Variants in PSPH observed in about 807,000 individuals in gnomAD.
The protein encoded by PSPH is L-3-phosphoserine phosphatase.
PSPH carries 16 observed loss-of-function variants against 23.4 expected under a neutral mutation model. That is an observed-to-expected ratio of 0.68 (90% confidence interval 0.46 to 1.04). The LOEUF (loss-of-function observed/expected upper bound fraction) is 1.04, where lower values mean the gene tolerates loss of function less well. Among genes scored for constraint, PSPH ranks in the 50% least tolerant of loss-of-function variants. The probability of loss-of-function intolerance (pLI) is 0.00; values close to 1 mark genes in which losing one functional copy is unlikely to be tolerated. For missense variants in PSPH, 223 were observed against 273.7 expected, an observed-to-expected ratio of 0.81 and a Z score of 1.31; for synonymous variants, 68 against 99.7, an observed-to-expected ratio of 0.68 and a Z score of 1.89.
intron 5 of PSPH, among the ~76,000 whole-genome samples, chr7:56,017,735 T>TTTTGAGATG (rs1788764603): frequency 6.7e-6 from 1 of 148,234 alleles, no homozygotes; most frequent in East Asian, 2.0e-4. Context: ...TTTTTTTTTT[T>TTTTGAGATG]GAGATGGAGT....
At chr7:56,047,339 T>A (rs1793382510) in intron 1 of PSPH, among the ~76,000 whole-genome samples, 2 of 150,984 alleles carry the variant, frequency 1.3e-5, no homozygotes, top group South Asian at 4.2e-4. Context: ...GTAAGCTGTG[T>A]GATTGAGCTA....
chr7:56,017,286 G>C lies in PSPH; in HGVS notation c.369C>G (p.Leu123=), dbSNP rs773338634. 6.2e-7 allele frequency: 1 copy of C among 1,613,870 alleles called. No individual in the cohort carries two copies. The highest frequency in any genetic ancestry group is 1.7e-5 in the Admixed American group (1 of 59,988). The change falls in exon 6 of 8, where the codon CTC becomes CTG. Residue 123 remains leucine, a synonymous_variant. Coordinates refer to ENST00000275605, the MANE Select transcript of PSPH (RefSeq NM_004577.4). The stretch of plus-strand genomic sequence containing the variant: ...CAAATACATTGGTTGCTGGGATATT[G>C]AGCTTTGAAGCAACATGCTCTACAA... ...RSIVEHVASK[L]NIPATNVFAN... is the part of the protein sequence containing the mutation.
chr7:56,029,792 G>T (rs1790691319), intron 3 of PSPH, among the ~76,000 whole-genome samples: 1 of 152,124 alleles, frequency 6.6e-6, no homozygotes, highest in Non-Finnish European at 1.5e-5. Flanking sequence ...CGAGAACCAA[G>T]CTTATTTGCT....
At chr7:56,026,927 C>T (rs1398557898) in intron 3 of PSPH, among the ~76,000 whole-genome samples, 2 of 151,886 alleles carry the variant, frequency 1.3e-5, no homozygotes, top group Non-Finnish European at 2.9e-5. Context: ...ATGAGAAGGC[C>T]CGGCACGGTG....
At chr7:56,013,118 T>A (rs1220960498) in intron 7 of PSPH, among the ~76,000 whole-genome samples, 1 of 148,796 alleles carries the variant, frequency 6.7e-6, no homozygotes, top group Non-Finnish European at 1.5e-5. Context: ...TATATATTTA[T>A]ATACACACAC....
chr7:56,040,110 T>A lies in PSPH; in HGVS notation c.-291-6004A>T, dbSNP rs922361514. Among the ~76,000 whole-genome samples the A allele has an allele frequency of 1.1e-4, 16 of 146,140 alleles. No individual in the cohort carries two copies. In the East Asian group the frequency reaches 2.0e-3, roughly 18 times the overall value. On this transcript the variant is annotated intron_variant, in intron 1 of 7. Transcript: ENST00000275605. ...CAAGACTCCATCAAAAAAAAAAAAA[T>A]ACCAATACATTAAAATAATATAAAT...
intron 6 of PSPH, among the ~76,000 whole-genome samples, chr7:56,016,727 T>A (rs370269937): frequency 3.3e-5 from 5 of 151,984 alleles, no homozygotes; most frequent in African/African-American, 1.2e-4. Context: ...TGTGCCACCA[T>A]GCCCAGCTAA....
At chr7:56,032,437 G>A (rs1201747729) in intron 2 of PSPH, among the ~76,000 whole-genome samples, 1 of 151,882 alleles carries the variant, frequency 6.6e-6, no homozygotes, top group Non-Finnish European at 1.5e-5. Context: ...AAGGCGGGCG[G>A]ATCACGAGGT....
intron 7 of PSPH, among the ~76,000 whole-genome samples, chr7:56,013,203 C>T (rs1788171295): frequency 8.2e-6 from 1 of 121,836 alleles, no homozygotes; most frequent in Non-Finnish European, 1.9e-5. Context: ...ATATATATAG[C>T]ATTGATTTTA....
At chr7:56,013,136 T>C (rs941017376) in intron 7 of PSPH, among the ~76,000 whole-genome samples, 6 of 139,844 alleles carry the variant, frequency 4.3e-5, no homozygotes, top group Admixed American at 3.0e-4. Flanking sequence ...CACATATATA[T>C]ACGTATATGT....
intron 1 of PSPH, among the ~76,000 whole-genome samples, chr7:56,044,822 TGG>T (rs1793010236): frequency 6.6e-6 from 1 of 151,940 alleles, no homozygotes; most frequent in Admixed American, 6.6e-5. Context: ...CCAGGTGTGG[TGG>T]CTCATGCTTG....
At chr7:56,013,096 T>TACACACATATACACACATACACAC (rs1562779980) in intron 7 of PSPH, among the ~76,000 whole-genome samples, 1 of 144,524 alleles carries the variant, frequency 6.9e-6, no homozygotes, top group African/African-American at 2.5e-5. Context: ...CACATATATA[T>TACACACATATACACACATACACAC]ACATATGTGT....
At chr7:56,029,502 A>G (rs1487047049) in intron 3 of PSPH, among the ~76,000 whole-genome samples, 1 of 151,496 alleles carries the variant, frequency 6.6e-6, no homozygotes, top group Non-Finnish European at 1.5e-5. Context: ...TAAAAAAAAA[A>G]AAAAAAAAAA....
At chr7:56,034,678 G>A (rs1427418086) in intron 1 of PSPH, among the ~76,000 whole-genome samples, 1 of 152,024 alleles carries the variant, frequency 6.6e-6, no homozygotes, top group Non-Finnish European at 1.5e-5. Context: ...ACCACGCCCG[G>A]CTAATTTTTT....
intron 3 of PSPH, among the ~76,000 whole-genome samples, chr7:56,026,348 CA>C (rs1562802600): frequency 1.3e-5 from 2 of 148,498 alleles, no homozygotes; most frequent in Admixed American, 1.3e-4. Flanking sequence ...TGGTGGCAGG[CA>C]CCTGTAATCC....
intron 6 of PSPH, among the ~76,000 whole-genome samples, chr7:56,016,768 G>C (rs955882054): frequency 2.0e-5 from 3 of 151,808 alleles, no homozygotes; most frequent in African/African-American, 7.3e-5. Flanking sequence ...GCAGAGTTGG[G>C]GTTCCACCAT....
rs770192136 is a variant in PSPH, at chr7:56,015,006, G to A, written c.570+17C>T. 3 of 1,580,066 alleles carry A rather than the reference G, an allele frequency of 1.9e-6. No homozygotes were observed. Among genetic ancestry groups the A allele is most frequent in the South Asian group, 2.4e-5 (2 of 81,950 alleles). On this transcript the variant is annotated intron_variant, in intron 7 of 7. Coordinates refer to ENST00000275605, the MANE Select transcript of PSPH (RefSeq NM_004577.4). ...AAAAGTACAACCTGAAAAAAAATTA[G>A]CACCCTTAATACATACAGCAGGAGG... is the stretch of plus-strand genomic sequence containing the variant.
At position 56,017,385 on chromosome 7, in the gene PSPH, A is replaced by C. The variant is rs1788698102; in HGVS notation, c.276-6T>G. On this transcript the variant is annotated splice_polypyrimidine_tract_variant and splice_region_variant and intron_variant, in intron 5 of 7. Transcript: ENST00000275605. ...GTAGGCGACTTACCAGCTCCCTGCA[A>C]AATAAAATACAAAATACCCAACACT... 1 of 1,612,956 alleles carries C rather than the reference A, an allele frequency of 6.2e-7. No individual in the cohort carries two copies. Among genetic ancestry groups the C allele is most frequent in the Non-Finnish European group, 8.5e-7 (1 of 1,179,466 alleles).
chr7:56,030,281 T>G (rs1021393016), intron 3 of PSPH, among the ~76,000 whole-genome samples: 1 of 151,934 alleles, frequency 6.6e-6, no homozygotes, highest in African/African-American at 2.4e-5. Context: ...AGGTAATTTT[T>G]GTATTTTTAG....
Sources: allele counts gnomAD v4.1 joint callset (sites outside exome capture counted in the v4.1 genomes callset), GRCh38; gene constraint gnomAD v4.1.1; transcripts MANE v1.5; gene names NCBI Gene and HGNC (gene_info 2026-07-23, HGNC 2026-07-21).